The following FGF13 variants were observed in gnomAD, a reference collection of about 807,000 sequenced individuals.
FGF13 encodes the protein fibroblast growth factor homologous factor 2.
Under a neutral mutation model 19.5 loss-of-function variants are expected in FGF13, and 2 were observed. The ratio of observed to expected loss-of-function variants is 0.10; its 90% CI spans 0.04 to 0.32. FGF13 has a LOEUF of 0.32. FGF13 is among the 10% of genes least tolerant of loss of function. FGF13 has a pLI of 1.00. For missense variants in FGF13, 113 were observed against 192.7 expected (o/e 0.59, Z 2.45); for synonymous variants, 72 against 76.9 (o/e 0.94, Z 0.33).
intron 1 of FGF13, among the ~76,000 whole-genome samples, chrX:139,101,915 T>C (rs2083517653): frequency 8.9e-6 from 1 of 112,180 alleles, no homozygotes; most frequent in Non-Finnish European, 1.9e-5. Context: ...ACAAGAAAAC[T>C]TGAATGTCTT....
chrX:138,857,021 G>T (rs1033798229), downstream of FGF13, among the ~76,000 whole-genome samples: 2 of 112,043 alleles, frequency 1.8e-5, no homozygotes, highest in Non-Finnish European at 3.8e-5. Flanking sequence ...GCATTATACA[G>T]GTAATCTGGG....
upstream of FGF13, chrX:139,203,931 G>T (rs913462532): frequency 4.0e-5 from 26 of 642,371 alleles, no homozygotes; most frequent in Non-Finnish European, 5.9e-5. Context: ...TTTCTCCCGG[G>T]GTCGCAGAGG....
chrX:139,170,153 C>A (rs55658875), intron 1 of FGF13, among the ~76,000 whole-genome samples: 9,312 of 110,969 alleles, frequency 0.084, 332 homozygotes, highest in Non-Finnish European at 0.12. Context: ...AGTATAAAAA[C>A]CATTCCCCCT....
At chrX:139,201,135 G>C (rs772701161) in intron 1 of FGF13, among the ~76,000 whole-genome samples, 1 of 111,979 alleles carries the variant, frequency 8.9e-6, no homozygotes, top group East Asian at 2.8e-4. Context: ...TTTCCAAACA[G>C]AACAGCCTAT....
intron 1 of FGF13, among the ~76,000 whole-genome samples, chrX:138,945,615 T>A (rs2091778332): frequency 9.0e-6 from 1 of 111,676 alleles, no homozygotes; most frequent in African/African-American, 3.3e-5. Context: ...TAATTGTTAA[T>A]TATCTTGGTG....
chrX:139,168,148 C>T (rs928167220), intron 1 of FGF13, among the ~76,000 whole-genome samples: 1 of 111,292 alleles, frequency 9.0e-6, no homozygotes, highest in Non-Finnish European at 1.9e-5. Context: ...GTCAAGATGC[C>T]AAGTCTCCAA....
At chrX:138,754,934 G>A (rs944797613) in intron 3 of FGF13, among the ~76,000 whole-genome samples, 3 of 111,361 alleles carry the variant, frequency 2.7e-5, no homozygotes, top group Non-Finnish European at 5.6e-5. Flanking sequence ...TTGGAAGTCT[G>A]TGTGTAGTTT....
chrX:138,656,793 TG>T (rs1226419258), intron 3 of FGF13, among the ~76,000 whole-genome samples: 9 of 111,367 alleles, frequency 8.1e-5, no homozygotes, highest in African/African-American at 2.0e-4. Flanking sequence ...TACTAAAGTG[TG>T]AAACAAATGG....
chrX:138,765,675 C>T (rs756138503), intron 3 of FGF13, among the ~76,000 whole-genome samples: 2 of 111,876 alleles, frequency 1.8e-5, no homozygotes, highest in East Asian at 5.7e-4. Flanking sequence ...GTTTGAATCA[C>T]CACTGTGTCC....
intron 2 of FGF13, among the ~76,000 whole-genome samples, chrX:138,858,782 A>G (rs2091272743): frequency 8.9e-6 from 1 of 111,850 alleles, no homozygotes; most frequent in Non-Finnish European, 1.9e-5. Flanking sequence ...AAATAAACAA[A>G]TGGTGGCTGA....
intron 3 of FGF13, among the ~76,000 whole-genome samples, chrX:138,849,862 T>C (rs1340229827): frequency 1.8e-5 from 2 of 111,940 alleles, no homozygotes; most frequent in Non-Finnish European, 3.8e-5. Flanking sequence ...AAAATCAAAA[T>C]CACCAGCATA....
rs760729441 is a variant in FGF13 at position 138,623,030 on chromosome X, T to C, written c.*9820A>G. On this transcript the variant is annotated 3_prime_UTR_variant, in exon 5 of 5. Transcript: ENST00000315930. ...TTATTTCTAAGTATTTTTTTGCAAT[T>C]GCAAATGGGATTGTGTTCTTTATTT... 2.7e-5 allele frequency: 3 copies of C among 112,119 alleles called. No homozygotes were observed. The East Asian group carries it at 8.5e-4, about 32-fold the overall frequency. 9.2% of individuals were successfully genotyped at this position (112,119 alleles called of 1,213,427 possible). A position where few individuals can be genotyped will look rare whatever the true frequency, so the allele number is the denominator to read the frequency against.
At chrX:139,204,140 A>T, upstream of FGF13, 1 of 1,186,504 alleles carries the variant, frequency 8.4e-7, no homozygotes, top group Non-Finnish European at 1.1e-6. Context: ...GTTCGCTCAG[A>T]AGACGGAAGT....
downstream of FGF13, among the ~76,000 whole-genome samples, chrX:138,853,620 C>CGCGT (rs372184732): frequency 1.1e-4 from 11 of 99,901 alleles, no homozygotes; most frequent in Admixed American, 7.8e-4. Flanking sequence ...TGTGCGTGTG[C>CGCGT]GTGTGTGTGT....
At chrX:138,665,621 C>T (rs1223268828) in intron 3 of FGF13, among the ~76,000 whole-genome samples, 2 of 111,598 alleles carry the variant, frequency 1.8e-5, no homozygotes, top group East Asian at 5.7e-4. Context: ...AAAAGCATTT[C>T]ATTCGTATTT....
chrX:139,101,577 T>C (rs766632597), intron 1 of FGF13, among the ~76,000 whole-genome samples: 1 of 112,200 alleles, frequency 8.9e-6, no homozygotes, highest in Non-Finnish European at 1.9e-5. Flanking sequence ...AAAATAAAAA[T>C]TTGAATTTGA....
intron 1 of FGF13, among the ~76,000 whole-genome samples, chrX:138,912,924 CTATT>C: frequency 9.0e-6 from 1 of 111,221 alleles, no homozygotes; most frequent in East Asian, 2.8e-4. Context: ...GACCCTTCCT[CTATT>C]TGCACGCAGT....
chrX:139,182,053 G>GTAATAATAA (rs57843641), intron 1 of FGF13, among the ~76,000 whole-genome samples: 8 of 109,616 alleles, frequency 7.3e-5, no homozygotes, highest in Admixed American at 1.9e-4. Flanking sequence ...AAGAACTTAA[G>GTAATAATAA]TAATAATAAT....
chrX:138,875,849 C>G (rs1272162670), intron 1 of FGF13, among the ~76,000 whole-genome samples: 1 of 111,664 alleles, frequency 9.0e-6, no homozygotes, highest in African/African-American at 3.3e-5. Flanking sequence ...ATCAGCTCTC[C>G]CGGTTCTCAG....
Sources: gnomAD v4.1 joint callset for allele counts (sites outside exome capture counted in the v4.1 genomes callset) on GRCh38, gnomAD v4.1.1 for gene constraint, MANE v1.5 for transcripts, NCBI Gene and HGNC (gene_info 2026-07-23, HGNC 2026-07-21) for gene names.